GALNT17: variants seen among roughly 807,000 people sequenced by gnomAD.
GALNT17 encodes polypeptide N-acetylgalactosaminyltransferase 17, also known as UDP-GalNAc:polypeptide N-acetylgalactosaminyltransferase-like 3.
Under a neutral mutation model 63.7 loss-of-function variants are expected in GALNT17, and 29 were observed. The ratio of observed to expected loss-of-function variants is 0.46; its 90% CI spans 0.34 to 0.62. The LOEUF (loss-of-function observed/expected upper bound fraction) is 0.62, where lower values mean the gene tolerates loss of function less well. Ranked by LOEUF, GALNT17 falls within the 20% of genes least tolerant of loss-of-function variation. The pLI, the probability that GALNT17 is intolerant of heterozygous loss-of-function variation, is 0.01. For synonymous variants in GALNT17, 305 were observed against 318.3 expected (o/e 0.96, Z 0.45); for missense variants, 603 against 799.6 (o/e 0.75, Z 2.97).
At chr7:71,227,375 A>G (rs1789700541) in intron 1 of GALNT17, among the ~76,000 whole-genome samples, 1 of 126,342 alleles carries the variant, frequency 7.9e-6, no homozygotes, top group African/African-American at 3.3e-5. Flanking sequence ...AAAAAATGGA[A>G]AAAAAAAAAA....
At chr7:71,711,017 C>T (rs1791784471) in intron 10 of GALNT17, 89 bp downstream of exon 10, 5 of 1,495,222 alleles carry the variant, frequency 3.3e-6, no homozygotes, top group Non-Finnish European at 4.5e-6. Flanking sequence ...CAGGGGTCCC[C>T]AGCAAAGAGC....
chr7:71,609,958 T>C (rs969659277), intron 6 of GALNT17, among the ~76,000 whole-genome samples: 5 of 152,182 alleles, frequency 3.3e-5, no homozygotes, highest in Admixed American at 2.6e-4. Flanking sequence ...TGAACACATA[T>C]AATTAATAGA....
chr7:71,670,001 C>T lies in GALNT17; in HGVS notation c.1296C>T (p.Ser432=), dbSNP rs766680813. The T allele has an allele frequency of 5.6e-6, 9 of 1,613,878 alleles. No individual in the cohort carries two copies. The African/African-American group carries it at 9.3e-5, about 17-fold the overall frequency. The change falls in exon 8 of 11, where the codon TCC becomes TCT. Residue 432 remains serine, a synonymous_variant. Transcript: ENST00000333538. ...CGGGAATTGACATCGGTGATGTCTCCGAAAGAAGAGCATTAAGGAAAAGTT... is the reference window on the plus strand; with the variant it reads ...CGGGAATTGACATCGGTGATGTCTCTGAAAGAAGAGCATTAAGGAAAAGTT... The part of the protein sequence containing the change: ...ENPGIDIGDV[S]ERRALRKSLK...
intron 1 of GALNT17, among the ~76,000 whole-genome samples, chr7:71,314,313 A>G (rs1362135041): frequency 1.3e-5 from 2 of 152,134 alleles, no homozygotes; most frequent in Non-Finnish European, 2.9e-5. Flanking sequence ...TTATTAGGCA[A>G]TAGTCATTGG....
intron 9 of GALNT17, among the ~76,000 whole-genome samples, chr7:71,680,498 C>G (rs1381448376): frequency 7.3e-5 from 6 of 81,858 alleles, no homozygotes; most frequent in Admixed American, 1.6e-4. Flanking sequence ...CTCCCTCCCT[C>G]TCTCCCTTCC....
At chr7:71,334,469 TTGTG>T (rs1358266181) in intron 1 of GALNT17, among the ~76,000 whole-genome samples, 1 of 150,178 alleles carries the variant, frequency 6.7e-6, no homozygotes, top group Non-Finnish European at 1.5e-5. Flanking sequence ...GTGTGTGTGA[TTGTG>T]TGTGTATGTG....
At chr7:71,550,343 T>A (rs1048635843) in intron 5 of GALNT17, among the ~76,000 whole-genome samples, 1 of 152,092 alleles carries the variant, frequency 6.6e-6, no homozygotes, top group Non-Finnish European at 1.5e-5. Flanking sequence ...CATGAGCTTT[T>A]TATTATATCA....
At chr7:71,353,950 T>C (rs1433388909) in intron 2 of GALNT17, among the ~76,000 whole-genome samples, 1 of 152,144 alleles carries the variant, frequency 6.6e-6, no homozygotes, top group Non-Finnish European at 1.5e-5. Flanking sequence ...CTCAGGAAAC[T>C]TACAATTGTG....
At chr7:71,667,746 C>G (rs1584123591) in intron 7 of GALNT17, among the ~76,000 whole-genome samples, 1 of 152,142 alleles carries the variant, frequency 6.6e-6, no homozygotes, top group Non-Finnish European at 1.5e-5. Flanking sequence ...CAAAACCTCA[C>G]CCCAGCCCTG....
intron 1 of GALNT17, among the ~76,000 whole-genome samples, chr7:71,182,097 C>A (rs1312741273): frequency 6.6e-6 from 1 of 152,160 alleles, no homozygotes; most frequent in Non-Finnish European, 1.5e-5. Flanking sequence ...ATCACTTGAA[C>A]CCCAGAGGAG....
intron 3 of GALNT17, among the ~76,000 whole-genome samples, chr7:71,395,289 G>T (rs868030507): frequency 1.3e-5 from 2 of 152,158 alleles, no homozygotes; most frequent in Middle Eastern, 3.4e-3. Flanking sequence ...TTTCTGTTAC[G>T]ATAAATTTGC....
At chr7:71,574,650 G>A (rs555275884) in intron 6 of GALNT17, among the ~76,000 whole-genome samples, 3 of 152,286 alleles carry the variant, frequency 2.0e-5, no homozygotes, top group African/African-American at 4.8e-5. Flanking sequence ...TGGTTCTCAT[G>A]TTTCCAGTCA....
At chr7:71,503,155 C>T (rs919694840) in intron 5 of GALNT17, among the ~76,000 whole-genome samples, 2 of 151,886 alleles carry the variant, frequency 1.3e-5, no homozygotes, top group Non-Finnish European at 2.9e-5. Context: ...CACACCTAGA[C>T]TTCCTTGTCT....
At chr7:71,293,264 T>G (rs953362509) in intron 1 of GALNT17, among the ~76,000 whole-genome samples, 9 of 152,304 alleles carry the variant, frequency 5.9e-5, no homozygotes, top group African/African-American at 2.2e-4. Context: ...TTTTAATTTT[T>G]GGGGGGAACC....
chr7:71,144,926 C>A (rs914391260), intron 1 of GALNT17, among the ~76,000 whole-genome samples: 4 of 152,144 alleles, frequency 2.6e-5, no homozygotes, highest in Non-Finnish European at 4.4e-5. Flanking sequence ...GATGGGGTTT[C>A]ACCATGTTAG....
intron 1 of GALNT17, among the ~76,000 whole-genome samples, chr7:71,216,679 C>G (rs76519580): frequency 6.6e-6 from 1 of 151,458 alleles, no homozygotes; most frequent in Non-Finnish European, 1.5e-5. Flanking sequence ...CACACAGACA[C>G]AAACACACAC....
At position 71,391,774 on chromosome 7, in the gene GALNT17, A is replaced by G. The variant is rs191606769; in HGVS notation, c.589+3373A>G. On this transcript the variant is annotated intron_variant, in intron 3 of 10. Transcript: ENST00000333538. The stretch of plus-strand genomic sequence containing the variant: ...TGTGCTGGGATTACAGGTGTGAGTC[A>G]CCATGCCTGGCCTTGGGTGATTTAT... Among the ~76,000 whole-genome samples the G allele has an allele frequency of 7.2e-5, 11 of 152,294 alleles. No homozygotes were observed. The East Asian group carries it at 1.7e-3, about 24-fold the overall frequency.
chr7:71,527,794 GCA>G (rs1398017664), intron 5 of GALNT17, among the ~76,000 whole-genome samples: 1 of 152,092 alleles, frequency 6.6e-6, no homozygotes, highest in Non-Finnish European at 1.5e-5. Flanking sequence ...CACCCACACA[GCA>G]CACACGCATA....
intron 1 of GALNT17, among the ~76,000 whole-genome samples, chr7:71,331,794 C>T (rs1022459070): frequency 3.9e-5 from 6 of 152,100 alleles, no homozygotes; most frequent in Non-Finnish European, 8.8e-5. Context: ...AATACCTTCC[C>T]CCTGAGCTTG....
Sources: allele counts gnomAD v4.1 joint callset (sites outside exome capture counted in the v4.1 genomes callset), GRCh38; gene constraint gnomAD v4.1.1; transcripts MANE v1.5; gene names NCBI Gene and HGNC (gene_info 2026-07-23, HGNC 2026-07-21).